The following GGTA1 variants were observed in gnomAD, a reference collection of about 807,000 sequenced individuals.
GGTA1 encodes inactive N-acetyllactosaminide alpha-1,3-galactosyltransferase.
A neutral mutation model predicts 2.6 loss-of-function variants in GGTA1; 5 were observed. The observed-to-expected ratio is 1.92, with a 90% CI of 1.00 to 4.04. The LOEUF (loss-of-function observed/expected upper bound fraction) is 4.04. GGTA1 is among the 30% of genes most tolerant of loss of function. The pLI, the probability that GGTA1 is intolerant of heterozygous loss-of-function variation, is 0.00. For missense variants in GGTA1, 50 were observed against 16.7 expected (o/e 2.99, Z -3.47); for synonymous variants, 17 against 5.0 (o/e 3.38, Z -3.19).
chr9:121,484,816 T>C (rs1299589671), intron 1 of GGTA1, among the ~76,000 whole-genome samples: 1 of 152,146 alleles, frequency 6.6e-6, no homozygotes, highest in Non-Finnish European at 1.5e-5. Flanking sequence ...GTGATCCTCC[T>C]CTCTAAGACT....
In GGTA1 at chr9:121,476,465, A is replaced by C. The variant is rs1564655228; in HGVS notation, c.-9-8534T>G. Reference sequence around the variant, plus strand: ...GCCCAGAAACAAGTCCTTTGGAGCTAAGATTCCCCAGTAATCCCCAGTTCT... The same window carrying C: ...GCCCAGAAACAAGTCCTTTGGAGCTCAGATTCCCCAGTAATCCCCAGTTCT... On this transcript the variant is annotated intron_variant, in intron 1 of 5. Coordinates refer to ENST00000481799, the MANE Select transcript of GGTA1 (RefSeq NM_001382585.1). The surrounding 1 kb of genome is among the most constrained non-coding windows in gnomAD (Gnocchi z 4.6). 1.3e-5 allele frequency among the ~76,000 whole-genome samples: 2 copies of C among 152,192 alleles called. No individual in the cohort carries two copies. Among genetic ancestry groups the C allele is most frequent in the Admixed American group, 6.5e-5 (1 of 15,274 alleles).
chr9:121,455,382 T>C lies in GGTA1; in HGVS notation c.*455A>G, dbSNP rs2064902515. 2 of 152,404 alleles carry C rather than the reference T, an allele frequency of 1.3e-5. No individual in the cohort carries two copies. Among genetic ancestry groups the C allele is most frequent in the Admixed American group, 1.3e-4 (2 of 15,314 alleles). The allele number at this position is 152,404 out of a possible 1,614,324, so 9.4% of individuals were successfully genotyped here. A position where few individuals can be genotyped will look rare whatever the true frequency, so the allele number is the denominator to read the frequency against. On this transcript the variant is annotated 3_prime_UTR_variant, in exon 6 of 6. Transcript: ENST00000481799. ...AAATGTGTATAAGCTGGACATTTGG[T>C]AATATTATTTTTAAAAAAGGAAAAG...
chr9:121,492,392 C>T (rs868707629), intron 1 of GGTA1, among the ~76,000 whole-genome samples: 25 of 152,348 alleles, frequency 1.6e-4, no homozygotes, highest in Admixed American at 5.2e-4. Context: ...TAGGACGTGA[C>T]CACCTCACAT....
chr9:121,479,106 G>C (rs763840350), intron 1 of GGTA1: 3 of 456,496 alleles, frequency 6.6e-6, no homozygotes, highest in South Asian at 3.1e-5. Flanking sequence ...CAGGTCCACT[G>C]CTGGAGAGAC....
At chr9:121,475,346 AATAACC>A (rs1176589392) in intron 1 of GGTA1, among the ~76,000 whole-genome samples, 1 of 152,192 alleles carries the variant, frequency 6.6e-6, no homozygotes, top group Non-Finnish European at 1.5e-5. Context: ...GTCATCAAGA[AATAACC>A]ATAAAAATGG....
intron 3 of GGTA1, 106 bp downstream of exon 3, chr9:121,463,186 CT>C: frequency 2.3e-6 from 1 of 429,054 alleles, no homozygotes; most frequent in Non-Finnish European, 4.5e-6. Context: ...ACCCCTCCGA[CT>C]TTGGCCGAAC....
downstream of GGTA1, among the ~76,000 whole-genome samples, chr9:121,452,488 T>C (rs1266296153): frequency 6.6e-6 from 1 of 152,120 alleles, no homozygotes; most frequent in Non-Finnish European, 1.5e-5. Flanking sequence ...TTGGCTCAGG[T>C]GCCTCTGAGG....
intron 4 of GGTA1, among the ~76,000 whole-genome samples, chr9:121,460,491 G>A (rs1175900684): frequency 6.6e-6 from 1 of 152,142 alleles, no homozygotes; most frequent in Admixed American, 6.5e-5. Flanking sequence ...GGGGGTGAGG[G>A]AAACTTGATA....
chr9:121,484,907 C>T (rs1261538241), intron 1 of GGTA1, among the ~76,000 whole-genome samples: 4 of 152,158 alleles, frequency 2.6e-5, no homozygotes, highest in South Asian at 4.1e-4. Context: ...CCCCAGAAGC[C>T]GTCTGGCTTG....
chr9:121,479,348 A>C, intron 1 of GGTA1: 1 of 351,674 alleles, frequency 2.8e-6, no homozygotes, highest in South Asian at 2.2e-5. Flanking sequence ...TCGAAAGAAT[A>C]AACAGCTGTT....
At chr9:121,474,983 T>C (rs1227931806) in intron 1 of GGTA1, among the ~76,000 whole-genome samples, 7 of 152,176 alleles carry the variant, frequency 4.6e-5, no homozygotes, top group Non-Finnish European at 1.0e-4. Flanking sequence ...GCATCCCAAG[T>C]GTCAGAGCCG....
intron 4 of GGTA1, among the ~76,000 whole-genome samples, chr9:121,460,534 A>G (rs1178224426): frequency 2.0e-5 from 3 of 152,142 alleles, no homozygotes; most frequent in Non-Finnish European, 2.9e-5. Context: ...TTAGTTTATG[A>G]TTGTCTTTCC....
intron 1 of GGTA1, among the ~76,000 whole-genome samples, chr9:121,493,025 T>C (rs1252921845): frequency 2.6e-5 from 4 of 151,772 alleles, no homozygotes; most frequent in Admixed American, 1.3e-4. Context: ...GTGCCTGTAC[T>C]TGGGAGGCTG....
chr9:121,492,972 C>T (rs1301096342), intron 1 of GGTA1, among the ~76,000 whole-genome samples: 5 of 151,856 alleles, frequency 3.3e-5, no homozygotes, highest in South Asian at 2.1e-4. Context: ...GGGGAAACCC[C>T]GTCTCTACTA....
At chr9:121,463,214 G>A (rs941677730) in intron 3 of GGTA1, 79 bp downstream of exon 3, 4 of 439,632 alleles carry the variant, frequency 9.1e-6, no homozygotes, top group African/African-American at 2.0e-5. Context: ...GCTGGCTGCC[G>A]TGTGAAGAAT....
exon 8 of GGTA1, chr9:121,446,431 G>A (rs1054936041): frequency 2.0e-5 from 3 of 152,248 alleles, no homozygotes; most frequent in African/African-American, 7.2e-5. Context: ...TGCTATTGAA[G>A]CTTTTTGAGG....
intron 1 of GGTA1, chr9:121,479,170 G>A (rs1376053065): frequency 6.6e-6 from 3 of 452,816 alleles, no homozygotes; most frequent in African/African-American, 4.0e-5. Context: ...AGTTTAGGGC[G>A]ATCCACCCGT....
intron 1 of GGTA1, among the ~76,000 whole-genome samples, chr9:121,498,739 C>T (rs116945153): frequency 0.018 from 2,679 of 152,218 alleles, 37 homozygotes; most frequent in Non-Finnish European, 0.032. Flanking sequence ...ACACCTGCCT[C>T]GGGTCTCGGT....
chr9:121,493,791 T>C (rs1828927642), intron 1 of GGTA1, among the ~76,000 whole-genome samples: 1 of 150,304 alleles, frequency 6.7e-6, no homozygotes, highest in African/African-American at 2.5e-5. Context: ...GAGCCTTGTT[T>C]TGTTGCCTAG....
Sources: allele counts gnomAD v4.1 joint callset (sites outside exome capture counted in the v4.1 genomes callset), GRCh38; gene constraint gnomAD v4.1.1; non-coding constraint Gnocchi (gnomAD v3.1); transcripts MANE v1.5; gene names NCBI Gene and HGNC (gene_info 2026-07-23, HGNC 2026-07-21).